Variants in NTNG1 observed in about 807,000 individuals in gnomAD.
NTNG1 encodes netrin G1, also known as netrin-G1.
Under a neutral mutation model 54.0 loss-of-function variants are expected in NTNG1, and 16 were observed. That is an observed-to-expected ratio of 0.30 (90% CI 0.20 to 0.45). The LOEUF is 0.45. Among genes scored for constraint, NTNG1 ranks in the 20% least tolerant of loss-of-function variants. The probability of loss-of-function intolerance (pLI) is 1.00; values close to 1 mark genes in which losing one functional copy is unlikely to be tolerated. For missense variants in NTNG1, 530 were observed against 678.7 expected, an observed-to-expected ratio of 0.78 and a Z score of 2.43; for synonymous variants, 255 against 263.1, an observed-to-expected ratio of 0.97 and a Z score of 0.30.
intron 3 of NTNG1, chr1:107,330,812 T>C (rs1668230671): frequency 6.6e-6 from 1 of 152,044 alleles, no homozygotes; most frequent in South Asian, 2.1e-4. Flanking sequence ...ATTTTTTTGT[T>C]CATAGGTATA....
intron 3 of NTNG1, among the ~76,000 whole-genome samples, chr1:107,360,307 G>A (rs1465093699): frequency 1.3e-5 from 2 of 152,170 alleles, no homozygotes; most frequent in African/African-American, 4.8e-5. Flanking sequence ...TTAGGAAGAG[G>A]TGATCTGAGA....
At chr1:107,336,245 A>G (rs1668571136) in intron 3 of NTNG1, among the ~76,000 whole-genome samples, 1 of 151,398 alleles carries the variant, frequency 6.6e-6, no homozygotes, top group Admixed American at 6.6e-5. Context: ...ACTGTGTGGT[A>G]CTGACATAAA....
chr1:107,256,447 A>G (rs1398626582), intron 2 of NTNG1, among the ~76,000 whole-genome samples: 2 of 152,374 alleles, frequency 1.3e-5, no homozygotes, highest in South Asian at 2.1e-4. Context: ...GTATGAATAG[A>G]TGGCATAACT....
chr1:107,417,389 G>A (rs185965024), intron 5 of NTNG1, among the ~76,000 whole-genome samples: 2 of 152,182 alleles, frequency 1.3e-5, no homozygotes. Context: ...TGTCTTGGAA[G>A]AATGCGCTAT....
In NTNG1 at chr1:107,158,850, A is replaced by G. The variant is rs1050209847; in HGVS notation, c.246+10011A>G. On this transcript the variant is annotated intron_variant, in intron 2 of 7. Coordinates refer to ENST00000370068, the MANE Select transcript of NTNG1 (RefSeq NM_001113226.3). ...GACTGTTCTAGAAAAAGAATTCTAT[A>G]TTTCAAAGAAAGATATTTTAGTGTG... Among the ~76,000 whole-genome samples the G allele has an allele frequency of 5.3e-5, 8 of 152,276 alleles. No individual in the cohort carries two copies. The East Asian group carries it at 1.5e-3, about 29-fold the overall frequency.
intron 2 of NTNG1, among the ~76,000 whole-genome samples, chr1:107,199,303 G>A (rs1658560512): frequency 6.9e-6 from 1 of 145,796 alleles, no homozygotes; most frequent in Non-Finnish European, 1.5e-5. Context: ...TCCTAATTCT[G>A]GAATTTGGCA....
intron 2 of NTNG1, among the ~76,000 whole-genome samples, chr1:107,223,798 A>T (rs989851925): frequency 6.6e-6 from 1 of 152,154 alleles, no homozygotes; most frequent in Non-Finnish European, 1.5e-5. Context: ...CTTGCTCTTT[A>T]GAGAAGGTAG....
intron 5 of NTNG1, among the ~76,000 whole-genome samples, chr1:107,415,361 A>C (rs923251835): frequency 6.6e-6 from 1 of 152,178 alleles, no homozygotes; most frequent in African/African-American, 2.4e-5. Flanking sequence ...TCCAAATGGC[A>C]TATGCCTCAT....
Position 107,484,608 on chromosome 1 carries a change from G to A in NTNG1, c.*3768G>A, listed in dbSNP as rs991378770. Among the ~76,000 whole-genome samples the A allele has an allele frequency of 1.3e-5, 2 of 152,148 alleles. No homozygotes were observed. The highest frequency in any genetic ancestry group is 2.9e-5 in the Non-Finnish European group (2 of 68,030). Reference sequence around the variant, plus strand: ...AAAGAAAGGTCCAGGTTGGAAGAAGGCGTCTGCTCCACAGTTCAGCTGGCC... The same window carrying A: ...AAAGAAAGGTCCAGGTTGGAAGAAGACGTCTGCTCCACAGTTCAGCTGGCC... On this transcript the variant is annotated 3_prime_UTR_variant, in exon 8 of 8. Coordinates refer to ENST00000370068, the MANE Select transcript of NTNG1 (RefSeq NM_001113226.3).
At chr1:107,255,857 A>G (rs1662899537) in intron 2 of NTNG1, among the ~76,000 whole-genome samples, 1 of 152,340 alleles carries the variant, frequency 6.6e-6, no homozygotes, top group African/African-American at 2.4e-5. Context: ...CTATTCACAC[A>G]TAATTGTATC....
chr1:107,398,056 C>G (rs984980890), intron 4 of NTNG1, among the ~76,000 whole-genome samples: 1 of 151,826 alleles, frequency 6.6e-6, no homozygotes, highest in African/African-American at 2.4e-5. Flanking sequence ...GATATATCAT[C>G]CCCTAACATA....
chr1:107,164,540 C>A (rs962709265), intron 2 of NTNG1, among the ~76,000 whole-genome samples: 1 of 152,022 alleles, frequency 6.6e-6, no homozygotes, highest in Non-Finnish European at 1.5e-5. Context: ...GAGCTCATAG[C>A]GAAAGCAGAG....
chr1:107,275,113 AC>A (rs1557862032), intron 2 of NTNG1, among the ~76,000 whole-genome samples: 1 of 152,210 alleles, frequency 6.6e-6, no homozygotes, highest in Non-Finnish European at 1.5e-5. Context: ...ATGGTGGCTC[AC>A]ACCAGTAATC....
At chr1:107,161,610 G>A (rs1655399048) in intron 2 of NTNG1, among the ~76,000 whole-genome samples, 1 of 151,058 alleles carries the variant, frequency 6.6e-6, no homozygotes, top group African/African-American at 2.4e-5. Flanking sequence ...GCAGTGAGTT[G>A]AGATCGTGCC....
At chr1:107,395,533 C>T (rs1009302733) in intron 4 of NTNG1, 17 of 738,076 alleles carry the variant, frequency 2.3e-5, no homozygotes, top group South Asian at 2.2e-4. Context: ...CTAACATTCA[C>T]ATCAAATGTG....
At chr1:107,247,182 T>C (rs1662259377) in intron 2 of NTNG1, among the ~76,000 whole-genome samples, 1 of 152,236 alleles carries the variant, frequency 6.6e-6, no homozygotes, top group Non-Finnish European at 1.5e-5. Flanking sequence ...ATTTCCTGAA[T>C]ACTAAGTGGG....
At chr1:107,197,972 G>A (rs1658462569) in intron 2 of NTNG1, among the ~76,000 whole-genome samples, 1 of 151,906 alleles carries the variant, frequency 6.6e-6, no homozygotes, top group South Asian at 2.1e-4. Context: ...TTATGATAAT[G>A]CACATTTTTT....
intron 7 of NTNG1, among the ~76,000 whole-genome samples, chr1:107,467,595 C>T (rs558195524): frequency 6.6e-6 from 1 of 152,286 alleles, no homozygotes; most frequent in South Asian, 2.1e-4. Context: ...GTATTGAAAT[C>T]CAGACTTCTG....
intron 3 of NTNG1, among the ~76,000 whole-genome samples, chr1:107,393,207 G>A (rs915953236): frequency 5.9e-5 from 9 of 152,120 alleles, no homozygotes; most frequent in African/African-American, 1.4e-4. Context: ...CAGGAAACCA[G>A]CATATTCTTT....
Sources: allele counts gnomAD v4.1 joint callset (sites outside exome capture counted in the v4.1 genomes callset), GRCh38; gene constraint gnomAD v4.1.1; transcripts MANE v1.5; gene names NCBI Gene and HGNC (gene_info 2026-07-23, HGNC 2026-07-21).